The following EPHA4 variants were observed in gnomAD, a reference collection of about 807,000 sequenced individuals.
EPHA4 encodes EPH receptor A4, also known as ephrin type-A receptor 4.
In EPHA4, 19 loss-of-function variants were observed where a neutral mutation model predicts 108.3. The observed-to-expected ratio is 0.18, with a 90% confidence interval of 0.12 to 0.26. The LOEUF (loss-of-function observed/expected upper bound fraction) is 0.26. Among genes scored for constraint, EPHA4 ranks in the 10% least tolerant of loss-of-function variants. The probability of loss-of-function intolerance (pLI) is 1.00; values close to 1 mark genes in which losing one functional copy is unlikely to be tolerated. For synonymous variants in EPHA4, 449 were observed against 455.5 expected, an observed-to-expected ratio of 0.99 and a Z score of 0.18; for missense variants, 917 against 1,254.0, an observed-to-expected ratio of 0.73 and a Z score of 4.06.
intron 9 of EPHA4, among the ~76,000 whole-genome samples, chr2:221,445,343 G>A (rs202071946): frequency 5.9e-5 from 9 of 151,830 alleles, no homozygotes; most frequent in South Asian, 2.1e-4. Flanking sequence ...TAATCCCAGC[G>A]CTTTGGGAGG....
intron 8 of EPHA4, among the ~76,000 whole-genome samples, chr2:221,454,175 C>T (rs1037966279): frequency 3.3e-5 from 5 of 151,646 alleles, no homozygotes; most frequent in Non-Finnish European, 5.9e-5. Flanking sequence ...AGCAAGACTC[C>T]GTCTCAGAAA....
intron 13 of EPHA4, among the ~76,000 whole-genome samples, chr2:221,435,340 C>G (rs1033723201): frequency 1.3e-5 from 2 of 152,080 alleles, no homozygotes; most frequent in Admixed American, 6.5e-5. Flanking sequence ...CTTTCTCCAA[C>G]TACTGGGAAA....
At chr2:221,556,450 C>A (rs1346550931) in intron 3 of EPHA4, among the ~76,000 whole-genome samples, 2 of 151,566 alleles carry the variant, frequency 1.3e-5, no homozygotes, top group Non-Finnish European at 2.9e-5. Flanking sequence ...GCTCACACCA[C>A]CATGCCCAGC....
chr2:221,561,996 CT>C (rs1209954599), intron 3 of EPHA4, among the ~76,000 whole-genome samples: 4 of 152,172 alleles, frequency 2.6e-5, no homozygotes, highest in African/African-American at 9.7e-5. Context: ...GCTCATTTCA[CT>C]GTTCCTGCTA....
intron 2 of EPHA4, among the ~76,000 whole-genome samples, chr2:221,568,383 C>T (rs757622233): frequency 8.5e-5 from 13 of 152,118 alleles, no homozygotes; most frequent in Non-Finnish European, 1.5e-4. Context: ...GTCAGGACTT[C>T]ATGGCCATCA....
intron 3 of EPHA4, among the ~76,000 whole-genome samples, chr2:221,540,471 A>AT (rs374746726): frequency 3.9e-4 from 59 of 152,170 alleles, no homozygotes; most frequent in African/African-American, 1.2e-3. Flanking sequence ...TGATCAACTC[A>AT]TTTTTTCCCC....
At chr2:221,565,295 T>C (rs942545062) in intron 2 of EPHA4, among the ~76,000 whole-genome samples, 25 of 152,214 alleles carry the variant, frequency 1.6e-4, no homozygotes, top group African/African-American at 5.8e-4. Flanking sequence ...AACTTGCGTC[T>C]ACCACTGTGA....
intron 4 of EPHA4, among the ~76,000 whole-genome samples, chr2:221,497,371 C>T (rs773138542): frequency 2.0e-5 from 3 of 152,124 alleles, no homozygotes; most frequent in Admixed American, 6.5e-5. Flanking sequence ...AAGTTGATGG[C>T]GTCGCCATCA....
intron 14 of EPHA4, among the ~76,000 whole-genome samples, chr2:221,431,925 C>T (rs1690088654): frequency 1.3e-5 from 2 of 152,104 alleles, no homozygotes; most frequent in Non-Finnish European, 2.9e-5. Flanking sequence ...ACTCCATTTA[C>T]CATATGCCAA....
chr2:221,546,539 T>A (rs1314477618), intron 3 of EPHA4, among the ~76,000 whole-genome samples: 1 of 152,082 alleles, frequency 6.6e-6, no homozygotes, highest in Non-Finnish European at 1.5e-5. Context: ...TAAGCCTCAG[T>A]TTCCTCATCT....
At chr2:221,463,539 T>A (rs1691213544) in intron 5 of EPHA4, among the ~76,000 whole-genome samples, 1 of 152,318 alleles carries the variant, frequency 6.6e-6, no homozygotes, top group African/African-American at 2.4e-5. Flanking sequence ...GGCTCTATCA[T>A]GACTCTCTAA....
chr2:221,433,652 G>A (rs1029221903), intron 14 of EPHA4, among the ~76,000 whole-genome samples: 4 of 152,222 alleles, frequency 2.6e-5, no homozygotes, highest in Non-Finnish European at 4.4e-5. Flanking sequence ...TTAAAGGGAT[G>A]TGCATAATTT....
rs184824243 is a variant in EPHA4, at chr2:221,447,987, A to T, written c.1716-1806T>A. Among the ~76,000 whole-genome samples, 874 of 151,838 alleles carry T rather than the reference A, an allele frequency of 5.8e-3. 12 individuals are homozygous for T. Among genetic ancestry groups the T allele is most frequent in the African/African-American group, 0.02 (813 of 41,398 alleles). On this transcript the variant is annotated intron_variant, in intron 8 of 17. Transcript: ENST00000281821. ...CTCCTGAGTAGCTGGGATTATAGGCACCCGCCACCCATGCTCGGCTAATTT... is the reference window on the plus strand; with the variant it reads ...CTCCTGAGTAGCTGGGATTATAGGCTCCCGCCACCCATGCTCGGCTAATTT...
chr2:221,500,523 T>C (rs1692456931), intron 4 of EPHA4, among the ~76,000 whole-genome samples: 1 of 152,200 alleles, frequency 6.6e-6, no homozygotes. Flanking sequence ...TAAACAAGCA[T>C]TTATTAGGAT....
chr2:221,449,760 C>T (rs1023483988), intron 8 of EPHA4, among the ~76,000 whole-genome samples: 1 of 152,222 alleles, frequency 6.6e-6, no homozygotes, highest in African/African-American at 2.4e-5. Flanking sequence ...TACTAAATTA[C>T]TAACTTTTCT....
intron 3 of EPHA4, among the ~76,000 whole-genome samples, chr2:221,561,438 A>G (rs998534135): frequency 7.2e-5 from 11 of 152,184 alleles, no homozygotes; most frequent in African/African-American, 2.7e-4. Context: ...AAAAAGCAAA[A>G]TAACAAAAAC....
At chr2:221,440,540 G>A (rs1690388668) in intron 11 of EPHA4, among the ~76,000 whole-genome samples, 1 of 151,562 alleles carries the variant, frequency 6.6e-6, no homozygotes. Context: ...AAAGCAAATA[G>A]AGCTATTCTA....
chr2:221,451,792 A>C (rs1690793039), intron 8 of EPHA4, among the ~76,000 whole-genome samples: 1 of 152,222 alleles, frequency 6.6e-6, no homozygotes, highest in East Asian at 1.9e-4. Flanking sequence ...CAATGTGCCT[A>C]GTATAACATC....
intron 3 of EPHA4, among the ~76,000 whole-genome samples, chr2:221,511,049 G>T (rs1474521246): frequency 1.3e-5 from 2 of 152,128 alleles, no homozygotes; most frequent in East Asian, 3.9e-4. Context: ...CAAAAGCAAT[G>T]AGGCCACCAA....
Sources: gnomAD v4.1 joint callset for allele counts (sites outside exome capture counted in the v4.1 genomes callset) on GRCh38, gnomAD v4.1.1 for gene constraint, MANE v1.5 for transcripts, NCBI Gene and HGNC (gene_info 2026-07-23, HGNC 2026-07-21) for gene names.